The following USP33 variants were observed in gnomAD, a reference collection of about 807,000 sequenced individuals.
The protein encoded by USP33 is ubiquitin specific peptidase 33.
Under a neutral mutation model 124.2 loss-of-function variants are expected in USP33, and 46 were observed. That is an observed-to-expected ratio of 0.37 (90% confidence interval 0.29 to 0.47). The LOEUF (loss-of-function observed/expected upper bound fraction) is 0.47. USP33 is among the 20% of genes least tolerant of loss of function. The pLI is 0.99. For missense variants in USP33, 851 were observed against 1,070.6 expected, an observed-to-expected ratio of 0.79 and a Z score of 2.86; for synonymous variants, 350 against 352.3, an observed-to-expected ratio of 0.99 and a Z score of 0.07.
chr1:77,744,122 CAA>C (rs36110822), intron 1 of USP33, among the ~76,000 whole-genome samples: 162 of 116,430 alleles, frequency 1.4e-3, no homozygotes, highest in African/African-American at 3.0e-3. Flanking sequence ...GACTCTGTCT[CAA>C]AAAAAAAAAA....
At chr1:77,705,152 A>C (rs1674477953) in intron 21 of USP33, among the ~76,000 whole-genome samples, 1 of 151,940 alleles carries the variant, frequency 6.6e-6, no homozygotes, top group South Asian at 2.1e-4. Context: ...TAAAACAAAA[A>C]AAACCCTAAT....
chr1:77,697,813 A>G (rs755173861), intron 23 of USP33, 50 bp downstream of exon 23: 12 of 1,491,106 alleles, frequency 8.0e-6, no homozygotes, highest in Non-Finnish European at 1.1e-5. Context: ...CATATTTCTA[A>G]CAGTGACAAA....
intron 7 of USP33, among the ~76,000 whole-genome samples, 166 bp downstream of exon 7, chr1:77,734,181 G>A (rs1030829422): frequency 2.6e-5 from 4 of 152,100 alleles, no homozygotes; most frequent in Admixed American, 1.3e-4. Context: ...AAGAAACTAC[G>A]GGTATACATA....
At chr1:77,708,860 T>C (rs913780437) in intron 21 of USP33, among the ~76,000 whole-genome samples, 2 of 151,938 alleles carry the variant, frequency 1.3e-5, no homozygotes, top group Non-Finnish European at 2.9e-5. Flanking sequence ...CATTTCTTTC[T>C]TTTTTTTAAG....
chr1:77,741,495 C>T (rs1194405643), intron 2 of USP33, 66 bp from the exon 3 acceptor site: 109 of 1,540,350 alleles, frequency 7.1e-5, no homozygotes, highest in Non-Finnish European at 9.4e-5. Flanking sequence ...TTCACTAATG[C>T]ACTAATGACA....
chr1:77,701,553 T>C (rs1288726407), intron 21 of USP33, 82 bp from the exon 22 acceptor site: 22 of 1,180,134 alleles, frequency 1.9e-5, no homozygotes, highest in Non-Finnish European at 2.5e-5. Flanking sequence ...ACTTCAGTGT[T>C]TGATAACTCA....
chr1:77,733,984 TA>T (rs1045024285), intron 7 of USP33, among the ~76,000 whole-genome samples: 16 of 150,102 alleles, frequency 1.1e-4, no homozygotes, highest in East Asian at 9.7e-4. Context: ...AGACTACGAT[TA>T]AAAAAAAAAT....
chr1:77,722,974 T>C (rs570642877), intron 12 of USP33, among the ~76,000 whole-genome samples: 95 of 152,374 alleles, frequency 6.2e-4, no homozygotes, highest in Admixed American at 1.6e-3. Flanking sequence ...TTCACAGCTT[T>C]GTACCTGTGA....
intron 16 of USP33, 56 bp from the exon 17 acceptor site, chr1:77,718,103 A>T: frequency 1.4e-6 from 2 of 1,438,926 alleles, no homozygotes; most frequent in South Asian, 1.4e-5. Context: ...AAAAAGCATT[A>T]TAACAGGTAA....
At chr1:77,732,820 G>A (rs1677987731) in intron 7 of USP33, among the ~76,000 whole-genome samples, 2 of 133,452 alleles carry the variant, frequency 1.5e-5, no homozygotes. Context: ...TTTTGACGGA[G>A]TCTCACACTG....
intron 22 of USP33, 112 bp from the exon 23 acceptor site, chr1:77,698,043 C>T (rs185751): frequency 5.3e-6 from 4 of 748,286 alleles, no homozygotes; most frequent in Non-Finnish European, 4.3e-6. Flanking sequence ...CTGGTTATTT[C>T]TCAGGCAAAT....
intron 21 of USP33, among the ~76,000 whole-genome samples, chr1:77,707,709 C>T (rs1268767222): frequency 6.6e-6 from 1 of 152,114 alleles, no homozygotes; most frequent in East Asian, 1.9e-4. Context: ...ACATTCACAA[C>T]CAGCCAGGGT....
intron 1 of USP33, among the ~76,000 whole-genome samples, chr1:77,744,277 T>A (rs1435055347): frequency 1.3e-5 from 2 of 151,956 alleles, no homozygotes; most frequent in Non-Finnish European, 2.9e-5. Flanking sequence ...TAATAAAAAA[T>A]GACAGGCATT....
chr1:77,754,974 TA>T (rs552773481), intron 1 of USP33, among the ~76,000 whole-genome samples: 57 of 152,198 alleles, frequency 3.7e-4, no homozygotes, highest in Non-Finnish European at 7.2e-4. Context: ...AATGGCAAAA[TA>T]TGGTCAATTC....
At chr1:77,705,381 G>A (rs377751237) in intron 21 of USP33, among the ~76,000 whole-genome samples, 9 of 152,012 alleles carry the variant, frequency 5.9e-5, no homozygotes, top group African/African-American at 1.9e-4. Flanking sequence ...TTTTAGTAGA[G>A]ATGGGGTTTC....
In USP33 at chr1:77,722,177, G is replaced by A. The variant is rs1676635866; in HGVS notation, c.1409C>T (p.Thr470Ile). 6.2e-7 allele frequency: 1 copy of A among 1,612,602 alleles called. No individual in the cohort carries two copies. Among genetic ancestry groups the A allele is most frequent in the South Asian group, 1.1e-5 (1 of 90,824 alleles). Reference protein sequence around the residue: ...TCDRVSVTLETFQDLSLPIPG... With the variant: ...TCDRVSVTLEIFQDLSLPIPG... ...AATTGGCAAGGACAGATCTTGAAAG[G>A]TCTCGAGGGTTACAGACACCTAAAA... The change falls in exon 13 of 24, where the codon ACC (threonine) becomes ATC (isoleucine). Residue 470 changes from threonine to isoleucine, a missense_variant. Physicochemically the swap from Thr to Ile is moderately conservative, Grantham distance 89. Around this residue, in one of 4 missense-constraint regions of USP33, gnomAD observed 281 missense variants for 425.0 expected, o/e 0.66. Transcript: ENST00000370794.
rs764473323 is a variant in USP33, at chr1:77,715,856, A to G, written c.1931T>C (p.Ile644Thr). The G allele has an allele frequency of 6.4e-5, 103 of 1,613,036 alleles. No individual in the cohort carries two copies. The highest frequency in any genetic ancestry group is 1.4e-5 in the Non-Finnish European group (16 of 1,179,760). The stretch of plus-strand genomic sequence containing the variant: ...ATTTAGATTGTTTCGGCAGTAGGCT[A>G]TATAGTGTCCACCTGAATTTGAGGG... ...HHGTASSGHY[I>T]AYCRNNLNNL... is the part of the protein sequence containing the mutation. The change falls in exon 18 of 24, where the codon ATA becomes ACA. Residue 644 changes from isoleucine to threonine, a missense_variant. Ile to Thr is a moderately conservative substitution (Grantham distance 89). Transcript: ENST00000370794.
At chr1:77,705,829 C>T (rs936409700) in intron 21 of USP33, among the ~76,000 whole-genome samples, 1 of 152,152 alleles carries the variant, frequency 6.6e-6, no homozygotes, top group Non-Finnish European at 1.5e-5. Context: ...AATCAATTCC[C>T]CTTCTCTCAG....
chr1:77,717,610 C>T (rs1676073370), intron 17 of USP33: 1 of 242,538 alleles, frequency 4.1e-6, no homozygotes, highest in African/African-American at 2.2e-5. Flanking sequence ...TAATAATTAG[C>T]AGTAACATCT....
Sources: allele counts gnomAD v4.1 joint callset (sites outside exome capture counted in the v4.1 genomes callset), GRCh38; gene constraint gnomAD v4.1.1; regional missense constraint gnomAD v4.1.1; transcripts MANE v1.5; gene names NCBI Gene and HGNC (gene_info 2026-07-23, HGNC 2026-07-21).